NBEA: variants seen among roughly 807,000 people sequenced by gnomAD.
NBEA encodes lysosomal-trafficking regulator 2.
NBEA carries 44 observed loss-of-function variants against 343.4 expected under a neutral mutation model. The observed-to-expected ratio is 0.13, with a 90% CI of 0.10 to 0.16. NBEA has a LOEUF of 0.16. Ranked by LOEUF, NBEA falls within the 10% of genes least tolerant of loss-of-function variation. The pLI is 1.00. For missense variants in NBEA, 2,555 were observed against 3,631.3 expected, an observed-to-expected ratio of 0.70 and a Z score of 7.62; for synonymous variants, 1,175 against 1,238.7, an observed-to-expected ratio of 0.95 and a Z score of 1.08.
intron 27 of NBEA, 53 bp from the exon 28 acceptor site, chr13:35,176,943 C>CT (rs1412751292): frequency 8.5e-7 from 1 of 1,179,388 alleles, no homozygotes; most frequent in Non-Finnish European, 1.2e-6. Flanking sequence ...AGTGATACTT[C>CT]TATATATTAT....
At chr13:35,205,800 A>G (rs988459622) in intron 31 of NBEA, among the ~76,000 whole-genome samples, 2 of 152,022 alleles carry the variant, frequency 1.3e-5, no homozygotes, top group Admixed American at 6.6e-5. Context: ...AGTACTTTAT[A>G]TGTGTTACCT....
intron 49 of NBEA, among the ~76,000 whole-genome samples, chr13:35,637,571 C>G (rs919620440): frequency 1.3e-5 from 2 of 152,098 alleles, no homozygotes; most frequent in Admixed American, 1.3e-4. Context: ...CACCTGTAAT[C>G]CCAGCACTTT....
intron 8 of NBEA, among the ~76,000 whole-genome samples, chr13:35,063,477 C>G (rs1298723835): frequency 6.6e-6 from 1 of 151,964 alleles, no homozygotes; most frequent in Admixed American, 6.6e-5. Context: ...TTAGCAGAAG[C>G]TTACTTCACA....
At chr13:35,084,075 G>A (rs1277392728) in intron 10 of NBEA, among the ~76,000 whole-genome samples, 1 of 152,118 alleles carries the variant, frequency 6.6e-6, no homozygotes, top group Non-Finnish European at 1.5e-5. Context: ...GATTCATAAA[G>A]CAAGTCCTTA....
intron 33 of NBEA, among the ~76,000 whole-genome samples, chr13:35,230,838 C>T (rs117620784): frequency 1.5e-3 from 225 of 152,104 alleles, no homozygotes; most frequent in South Asian, 2.9e-3. Flanking sequence ...ACACCACTGA[C>T]TGAGAATTTG....
intron 52 of NBEA, among the ~76,000 whole-genome samples, chr13:35,651,245 T>C (rs1317086903): frequency 2.0e-5 from 3 of 152,200 alleles, no homozygotes; most frequent in Non-Finnish European, 4.4e-5. Context: ...TTTAGTGAGA[T>C]TAAGATTTTA....
rs141263694 is a variant in NBEA, at chr13:35,128,156, A to G, written c.2336+4582A>G. Among the ~76,000 whole-genome samples, 690 of 151,964 alleles carry G rather than the reference A, an allele frequency of 4.5e-3. 2 individuals carry two copies. Among genetic ancestry groups the G allele is most frequent in the Non-Finnish European group, 7.8e-3 (527 of 67,906 alleles). Reference sequence around the variant, plus strand: ...TGCGAGATGATGAGTTAGTGGGTGCAGCGCACCAGCATGGCACATGTATAC... The same window carrying G: ...TGCGAGATGATGAGTTAGTGGGTGCGGCGCACCAGCATGGCACATGTATAC... On this transcript the variant is annotated intron_variant, in intron 17 of 58. Coordinates refer to ENST00000379939, the MANE Select transcript of NBEA (RefSeq NM_001385012.1).
chr13:35,413,633 A>T (rs1488415763), intron 38 of NBEA, among the ~76,000 whole-genome samples: 1 of 152,154 alleles, frequency 6.6e-6, no homozygotes, highest in Non-Finnish European at 1.5e-5. Context: ...TCTAAAAATA[A>T]CACCAAGTTC....
At chr13:35,095,609 G>A (rs1189891057) in intron 10 of NBEA, among the ~76,000 whole-genome samples, 1 of 151,604 alleles carries the variant, frequency 6.6e-6, no homozygotes, top group African/African-American at 2.4e-5. Flanking sequence ...ACACCCACTA[G>A]GTTATTAACA....
chr13:35,080,590 C>T (rs1282377941), intron 10 of NBEA, among the ~76,000 whole-genome samples: 1 of 152,072 alleles, frequency 6.6e-6, no homozygotes, highest in Non-Finnish European at 1.5e-5. Flanking sequence ...GGCATATAAC[C>T]TTTGGGGCGG....
chr13:35,356,713 AT>A (rs2040509346), intron 38 of NBEA, among the ~76,000 whole-genome samples: 1 of 152,066 alleles, frequency 6.6e-6, no homozygotes. Context: ...GTGTTTCACC[AT>A]TACGTCTGAC....
chr13:35,205,625 G>A (rs547265729), intron 31 of NBEA, among the ~76,000 whole-genome samples: 4 of 152,070 alleles, frequency 2.6e-5, no homozygotes, highest in East Asian at 3.9e-4. Context: ...AAAACTACAC[G>A]TATGAGATAT....
intron 1 of NBEA, among the ~76,000 whole-genome samples, chr13:34,973,790 G>A (rs955709310): frequency 6.6e-6 from 1 of 152,284 alleles, no homozygotes; most frequent in Admixed American, 6.5e-5. Flanking sequence ...AGTGGGGTCC[G>A]CAGACCGTTA....
At chr13:35,192,535 A>C (rs1164317915) in intron 30 of NBEA, among the ~76,000 whole-genome samples, 1 of 151,994 alleles carries the variant, frequency 6.6e-6, no homozygotes, top group Non-Finnish European at 1.5e-5. Context: ...AGCCTCAATA[A>C]AAATAAAATT....
At chr13:35,518,012 C>G (rs2077550861) in intron 41 of NBEA, among the ~76,000 whole-genome samples, 1 of 152,110 alleles carries the variant, frequency 6.6e-6, no homozygotes, top group Non-Finnish European at 1.5e-5. Flanking sequence ...ATTTGACACT[C>G]TTGAATGTAT....
chr13:35,210,356 A>G (rs577044470), intron 32 of NBEA, among the ~76,000 whole-genome samples: 1 of 152,050 alleles, frequency 6.6e-6, no homozygotes, highest in Non-Finnish European at 1.5e-5. Flanking sequence ...TTCATTTCAA[A>G]TATTGGCACA....
At chr13:35,541,462 A>G (rs2153005630) in intron 41 of NBEA, among the ~76,000 whole-genome samples, 1 of 152,212 alleles carries the variant, frequency 6.6e-6, no homozygotes, top group East Asian at 1.9e-4. Context: ...AGCTGACCTA[A>G]TTATGGGCTG....
intron 38 of NBEA, among the ~76,000 whole-genome samples, chr13:35,353,902 G>A (rs1200710943): frequency 6.6e-6 from 1 of 152,064 alleles, no homozygotes; most frequent in Non-Finnish European, 1.5e-5. Flanking sequence ...TCAATCATGG[G>A]AGCTGGTAAG....
chr13:35,246,694 G>T (rs1284405699), intron 34 of NBEA, among the ~76,000 whole-genome samples: 1 of 152,198 alleles, frequency 6.6e-6, no homozygotes, highest in Admixed American at 6.5e-5. Context: ...GGTGGCAGGG[G>T]AGTGAAATGT....
Sources: gnomAD v4.1 joint callset for allele counts (sites outside exome capture counted in the v4.1 genomes callset) on GRCh38, gnomAD v4.1.1 for gene constraint, MANE v1.5 for transcripts, NCBI Gene and HGNC (gene_info 2026-07-23, HGNC 2026-07-21) for gene names.